The following NPAS2 variants were observed in gnomAD, a reference collection of about 807,000 sequenced individuals.
NPAS2 encodes the protein neuronal PAS domain protein 2.
A neutral mutation model predicts 107.5 loss-of-function variants in NPAS2; 23 were observed. That is an observed-to-expected ratio of 0.21 (90% CI 0.15 to 0.30). The LOEUF (loss-of-function observed/expected upper bound fraction) is 0.30. Ranked by LOEUF, NPAS2 falls within the 10% of genes least tolerant of loss-of-function variation. The probability of loss-of-function intolerance (pLI) is 1.00; values close to 1 mark genes in which losing one functional copy is unlikely to be tolerated. For missense variants in NPAS2, 756 were observed against 1,043.3 expected (o/e 0.72, Z 3.79); for synonymous variants, 403 against 417.5 (o/e 0.97, Z 0.42).
intron 7 of NPAS2, among the ~76,000 whole-genome samples, chr2:100,962,010 C>CT (rs570339760): frequency 1.4e-4 from 21 of 152,088 alleles, no homozygotes; most frequent in Non-Finnish European, 2.4e-4. Context: ...TCAAATGTCT[C>CT]TTTTTTTTAA....
At chr2:100,948,659 G>C (rs542081359) in intron 6 of NPAS2, among the ~76,000 whole-genome samples, 2 of 152,276 alleles carry the variant, frequency 1.3e-5, no homozygotes, top group African/African-American at 4.8e-5. Context: ...GTAAGAAACA[G>C]TGCAAACATC....
At chr2:100,989,120 A>G (rs1053765798) in intron 17 of NPAS2, 14 of 163,004 alleles carry the variant, frequency 8.6e-5, no homozygotes, top group Admixed American at 5.1e-4. Flanking sequence ...CTCAAATGGA[A>G]TGGAATTCAG....
At chr2:100,992,468 T>C (rs1382423126) in intron 19 of NPAS2, among the ~76,000 whole-genome samples, 1 of 152,184 alleles carries the variant, frequency 6.6e-6, no homozygotes, top group Non-Finnish European at 1.5e-5. Flanking sequence ...TGGGAGGTGA[T>C]TGATCATGGG....
rs559029357 is a variant in NPAS2 at position 100,867,914 on chromosome 2, C to G, written c.-22-36819C>G. On this transcript the variant is annotated intron_variant, in intron 1 of 20. Transcript: ENST00000335681. ...CCCATTTTTTTCTGCCTTTTTTTCC[C>G]CTTTATTACATTTTTCCTCTACTAA... Among the ~76,000 whole-genome samples the G allele has an allele frequency of 1.5e-4, 22 of 151,626 alleles. 1 individual carries two copies. Among genetic ancestry groups the G allele is most frequent in the African/African-American group, 4.6e-4 (19 of 41,344 alleles).
chr2:100,863,433 A>G (rs1234009817), intron 1 of NPAS2, among the ~76,000 whole-genome samples: 1 of 152,192 alleles, frequency 6.6e-6, no homozygotes, highest in African/African-American at 2.4e-5. Flanking sequence ...ATCCTGGCAG[A>G]TAGAAAGATG....
intron 3 of NPAS2, among the ~76,000 whole-genome samples, chr2:100,930,560 A>G (rs1004482490): frequency 1.3e-5 from 2 of 152,184 alleles, no homozygotes; most frequent in African/African-American, 4.8e-5. Flanking sequence ...TTTTACCATA[A>G]CACTGAATTT....
chr2:100,978,364 G>A (rs1169972550), intron 15 of NPAS2, among the ~76,000 whole-genome samples: 3 of 152,084 alleles, frequency 2.0e-5, no homozygotes, highest in African/African-American at 4.8e-5. Context: ...AACAGTCTCT[G>A]TTCACCTCTT....
rs374363463 is a variant in NPAS2 at position 100,888,406 on chromosome 2, G to A, written c.-22-16327G>A. 3.3e-5 allele frequency among the ~76,000 whole-genome samples: 5 copies of A among 152,056 alleles called. No individual in the cohort carries two copies. In the East Asian group the frequency reaches 7.8e-4, roughly 24 times the overall value. Reference sequence around the variant, plus strand: ...GGGGCGGAGGAAGATGCGCTAGTAGGGTAGAAAGTGTTGGAGAGGGGGACA... The same window carrying A: ...GGGGCGGAGGAAGATGCGCTAGTAGAGTAGAAAGTGTTGGAGAGGGGGACA... On this transcript the variant is annotated intron_variant, in intron 1 of 20. Transcript: ENST00000335681.
At chr2:100,879,112 CA>C (rs371903852) in intron 1 of NPAS2, among the ~76,000 whole-genome samples, 5 of 84,294 alleles carry the variant, frequency 5.9e-5, no homozygotes, top group Non-Finnish European at 4.9e-5. Flanking sequence ...GACTCTGTCT[CA>C]AAAAAAAAGA....
intron 1 of NPAS2, among the ~76,000 whole-genome samples, chr2:100,850,953 C>CAAAAA (rs148858541): frequency 0.031 from 1,315 of 41,856 alleles, 277 homozygotes; most frequent in East Asian, 0.25. Flanking sequence ...AACTCTGTCT[C>CAAAAA]AAAAAAAAAA....
At chr2:100,878,636 A>G in intron 1 of NPAS2, 2 of 985,362 alleles carry the variant, frequency 2.0e-6, no homozygotes, top group Non-Finnish European at 2.4e-6. Flanking sequence ...GAATCAAGGT[A>G]ACTTTGCGGT....
chr2:100,858,092 A>G (rs879597112), intron 1 of NPAS2, among the ~76,000 whole-genome samples: 43 of 152,246 alleles, frequency 2.8e-4, no homozygotes, highest in African/African-American at 9.2e-4. Flanking sequence ...AGTCCTAGAC[A>G]AAGAGGCCAG....
At chr2:100,883,766 T>C (rs892520146) in intron 1 of NPAS2, among the ~76,000 whole-genome samples, 1 of 152,176 alleles carries the variant, frequency 6.6e-6, no homozygotes, top group Non-Finnish European at 1.5e-5. Flanking sequence ...TTTCATAGTT[T>C]ACAAAAGTTA....
chr2:100,934,628 A>G (rs1684185529), intron 4 of NPAS2, among the ~76,000 whole-genome samples: 1 of 152,194 alleles, frequency 6.6e-6, no homozygotes. Context: ...TCCACCAACT[A>G]GTACTGTTGA....
intron 5 of NPAS2, among the ~76,000 whole-genome samples, chr2:100,946,189 A>T (rs188124289): frequency 5.3e-5 from 8 of 152,196 alleles, no homozygotes; most frequent in Non-Finnish European, 1.0e-4. Flanking sequence ...AGGTGAGCTC[A>T]TGGAACCTTC....
Position 100,942,299 on chromosome 2 carries a change from T to C in NPAS2, c.363+4457T>C, listed in dbSNP as rs980953589. Among the ~76,000 whole-genome samples the C allele has an allele frequency of 9.9e-5, 15 of 152,120 alleles. 1 individual carries two copies. The highest frequency in any genetic ancestry group is 3.4e-4 in the African/African-American group (14 of 41,432). ...AAGGAAAGCCAAAGCCCCTGGCCTG[T>C]GTTAACACAAAACACAGCAGCAAGG... On this transcript the variant is annotated intron_variant, in intron 5 of 20. Transcript: ENST00000335681.
chr2:100,931,248 C>G (rs1019669265), intron 3 of NPAS2, among the ~76,000 whole-genome samples: 8 of 152,224 alleles, frequency 5.3e-5, no homozygotes, highest in Non-Finnish European at 1.5e-5. Context: ...GGTTTCCTCT[C>G]CTGGGTTTCT....
chr2:100,818,842 G>A (rs984246274), upstream of NPAS2, among the ~76,000 whole-genome samples: 42 of 152,342 alleles, frequency 2.8e-4, no homozygotes, highest in African/African-American at 9.6e-4. Flanking sequence ...CGGGCAGGGG[G>A]ACCTTTCCCC....
At chr2:100,940,129 C>T (rs1674487783) in intron 5 of NPAS2, among the ~76,000 whole-genome samples, 1 of 152,210 alleles carries the variant, frequency 6.6e-6, no homozygotes, top group Non-Finnish European at 1.5e-5. Flanking sequence ...ATGGAAACTT[C>T]CCTGGTGCAA....
Sources: allele counts gnomAD v4.1 joint callset (sites outside exome capture counted in the v4.1 genomes callset), GRCh38; gene constraint gnomAD v4.1.1; transcripts MANE v1.5; gene names NCBI Gene and HGNC (gene_info 2026-07-23, HGNC 2026-07-21).